PTPRT: variants seen among roughly 807,000 people sequenced by gnomAD.
PTPRT encodes receptor-type tyrosine-protein phosphatase T.
In PTPRT, 56 loss-of-function variants were observed where a neutral mutation model predicts 176.8. That is an observed-to-expected ratio of 0.32 (90% CI 0.26 to 0.40). The LOEUF (loss-of-function observed/expected upper bound fraction) is 0.40. Ranked by LOEUF, PTPRT falls within the 10% of genes least tolerant of loss-of-function variation. PTPRT has a pLI of 1.00. For missense variants in PTPRT, 1,540 were observed against 1,908.2 expected (o/e 0.81, Z 3.60); for synonymous variants, 783 against 739.0 (o/e 1.06, Z -0.96).
intron 2 of PTPRT, among the ~76,000 whole-genome samples, chr20:42,812,600 G>C (rs1212002807): frequency 6.6e-6 from 1 of 151,976 alleles, no homozygotes; most frequent in African/African-American, 2.4e-5. Context: ...CTTTTGATTT[G>C]CACATTCAGT....
At chr20:42,052,916 A>G in the PTPRT span, among the ~76,000 whole-genome samples, 1 of 152,172 alleles carries the variant, frequency 6.6e-6, no homozygotes, top group Non-Finnish European at 1.5e-5. Flanking sequence ...TAGAGCAGCA[A>G]TTGGCTAACT....
At chr20:42,616,777 T>C (rs1417171063) in intron 7 of PTPRT, among the ~76,000 whole-genome samples, 1 of 134,648 alleles carries the variant, frequency 7.4e-6, no homozygotes, top group African/African-American at 3.3e-5. Flanking sequence ...GTGATTTTTG[T>C]ACATTGATTT....
chr20:42,203,564 C>T (rs2055376995), intron 15 of PTPRT, among the ~76,000 whole-genome samples: 1 of 152,206 alleles, frequency 6.6e-6, no homozygotes, highest in South Asian at 2.1e-4. Context: ...ATGTAAGTGT[C>T]ACATCTCCTC....
intron 9 of PTPRT, among the ~76,000 whole-genome samples, chr20:42,437,620 C>G (rs543109801): frequency 7.9e-5 from 12 of 152,198 alleles, no homozygotes; most frequent in Middle Eastern, 3.4e-3. Flanking sequence ...AGATCTCATA[C>G]TTGGGTGTCA....
chr20:42,792,965 A>T (rs1190168296), intron 2 of PTPRT, among the ~76,000 whole-genome samples: 1 of 152,204 alleles, frequency 6.6e-6, no homozygotes, highest in Non-Finnish European at 1.5e-5. Flanking sequence ...CTTACGGCCA[A>T]ATTAGACTTT....
At chr20:42,061,571 T>C in the PTPRT span, among the ~76,000 whole-genome samples, 1 of 152,220 alleles carries the variant, frequency 6.6e-6, no homozygotes, top group African/African-American at 2.4e-5. Flanking sequence ...TATCACTTCT[T>C]ATTCTTTTAT....
intron 2 of PTPRT, among the ~76,000 whole-genome samples, chr20:42,825,383 A>G (rs915592124): frequency 6.6e-6 from 1 of 152,198 alleles, no homozygotes; most frequent in African/African-American, 2.4e-5. Flanking sequence ...CGGCAATATG[A>G]TATAATTTAA....
chr20:42,661,985 G>C (rs2075231567), intron 7 of PTPRT, among the ~76,000 whole-genome samples: 1 of 152,160 alleles, frequency 6.6e-6, no homozygotes, highest in African/African-American at 2.4e-5. Context: ...GGCTGAGGCT[G>C]CATACCAAGC....
chr20:42,515,895 A>C (rs1005670388), intron 7 of PTPRT, among the ~76,000 whole-genome samples: 7 of 150,312 alleles, frequency 4.7e-5, no homozygotes, highest in African/African-American at 9.8e-5. Context: ...AAAATGTGGC[A>C]CATATACACC....
chr20:43,178,162 T>C (rs1401542240), intron 1 of PTPRT, among the ~76,000 whole-genome samples: 1 of 152,152 alleles, frequency 6.6e-6, no homozygotes, highest in African/African-American at 2.4e-5. Flanking sequence ...TGCTCCTTAG[T>C]AAACCTAATA....
chr20:42,759,326 C>A (rs574698333), intron 5 of PTPRT, among the ~76,000 whole-genome samples: 2 of 152,150 alleles, frequency 1.3e-5, no homozygotes, highest in Non-Finnish European at 2.9e-5. Context: ...CTCATTTATT[C>A]CCCATGAAAA....
intron 1 of PTPRT, among the ~76,000 whole-genome samples, chr20:42,986,597 T>C (rs961035354): frequency 4.6e-5 from 7 of 152,118 alleles, no homozygotes; most frequent in African/African-American, 1.2e-4. Flanking sequence ...AACTAGAGAT[T>C]CCTAGCTCAT....
At chr20:42,048,127 T>C in the PTPRT span, among the ~76,000 whole-genome samples, 11 of 152,290 alleles carry the variant, frequency 7.2e-5, no homozygotes, top group East Asian at 1.9e-3. Flanking sequence ...CAGGGGCTAG[T>C]CACACTCTGA....
At chr20:42,652,906 T>C (rs2070236302) in intron 7 of PTPRT, among the ~76,000 whole-genome samples, 1 of 152,180 alleles carries the variant, frequency 6.6e-6, no homozygotes, top group African/African-American at 2.4e-5. Context: ...TTCTCCATCA[T>C]AACTTTCCAG....
At chr20:42,775,202 G>A (rs73098049) in intron 4 of PTPRT, among the ~76,000 whole-genome samples, 46,118 of 151,984 alleles carry the variant, frequency 0.3, 8,877 homozygotes, top group Non-Finnish European at 0.44. Context: ...AAAATGCCTT[G>A]ACGTTAGTGA....
At chr20:42,106,238 C>T (rs1364392360) in intron 24 of PTPRT, among the ~76,000 whole-genome samples, 1 of 152,174 alleles carries the variant, frequency 6.6e-6, no homozygotes, top group Non-Finnish European at 1.5e-5. Context: ...TAATTCCTTT[C>T]AATACTCTTA....
intron 1 of PTPRT, among the ~76,000 whole-genome samples, chr20:42,992,596 T>C (rs1983979518): frequency 6.6e-6 from 1 of 152,218 alleles, no homozygotes; most frequent in South Asian, 2.1e-4. Flanking sequence ...TCAAGATAGC[T>C]GAGCCAAAAA....
At position 42,542,855 on chromosome 20, in the gene PTPRT, G is replaced by C. The variant is rs1177336286; in HGVS notation, c.1154-70293C>G. On this transcript the variant is annotated intron_variant, in intron 7 of 30. Coordinates refer to ENST00000373187, the MANE Select transcript of PTPRT (RefSeq NM_007050.6). ...TGACTTCCAAGATATATTGAGCAGT[G>C]ACTAAAAGAAGGTACTGAACAAGAG... 2.6e-5 allele frequency among the ~76,000 whole-genome samples: 4 copies of C among 152,286 alleles called. No homozygotes were observed. The South Asian group carries it at 6.2e-4, about 24-fold the overall frequency.
At chr20:42,736,872 C>T (rs753324554) in intron 6 of PTPRT, among the ~76,000 whole-genome samples, 21 of 152,224 alleles carry the variant, frequency 1.4e-4, no homozygotes, top group Non-Finnish European at 2.4e-4. Context: ...GACCTCATCA[C>T]ACTCTTGTCT....
Sources: allele counts gnomAD v4.1 joint callset (sites outside exome capture counted in the v4.1 genomes callset), GRCh38; gene constraint gnomAD v4.1.1; transcripts MANE v1.5; gene names NCBI Gene and HGNC (gene_info 2026-07-23, HGNC 2026-07-21).